Variants in ABCC5 observed in about 807,000 individuals in gnomAD.
The protein encoded by ABCC5 is ATP binding cassette subfamily C member 5.
Under a neutral mutation model 160.9 loss-of-function variants are expected in ABCC5, and 61 were observed. The ratio of observed to expected loss-of-function variants is 0.38; its 90% CI spans 0.31 to 0.47. ABCC5 has a LOEUF of 0.47. Among genes scored for constraint, ABCC5 ranks in the 20% least tolerant of loss-of-function variants. The pLI, the probability that ABCC5 is intolerant of heterozygous loss-of-function variation, is 0.99. For synonymous variants in ABCC5, 666 were observed against 700.6 expected (o/e 0.95, Z 0.78); for missense variants, 1,308 against 1,813.3 (o/e 0.72, Z 5.06).
At position 183,987,282 on chromosome 3, in the gene ABCC5, C is replaced by T. The variant is rs1025352578; in HGVS notation, c.591+488G>A. 1.7e-5 allele frequency: 4 copies of T among 237,946 alleles called. No homozygotes were observed. Among genetic ancestry groups the T allele is most frequent in the East Asian group, 1.9e-4 (2 of 10,262 alleles). 14.7% of individuals were successfully genotyped at this position (237,946 alleles called of 1,614,324 possible). A position where few individuals can be genotyped will look rare whatever the true frequency, so the allele number is the denominator to read the frequency against. The stretch of plus-strand genomic sequence containing the variant: ...AGTCACACTATAAGCCAAACTTAAA[C>T]GGACTCCAGGTCAGACTCTAAAATC... On this transcript the variant is annotated intron_variant, in intron 5 of 29. Transcript: ENST00000334444. The surrounding 1 kb of genome is among the most constrained non-coding windows in gnomAD (Gnocchi z 4.2).
At chr3:183,924,575 T>G (rs1472475371) in intron 29 of ABCC5, among the ~76,000 whole-genome samples, 1 of 152,190 alleles carries the variant, frequency 6.6e-6, no homozygotes, top group Non-Finnish European at 1.5e-5. Flanking sequence ...TCCAAATTAT[T>G]AATTTACTTG....
chr3:183,987,492 C>A lies in ABCC5; in HGVS notation c.591+278G>T, dbSNP rs1719327487. ...TGCACCGACTGTCAGTTCATGTTAA[C>A]ACACAACCGAGAAGCACAGTCCTGT... On this transcript the variant is annotated intron_variant, in intron 5 of 29. Coordinates refer to ENST00000334444, the MANE Select transcript of ABCC5 (RefSeq NM_005688.4). This position sits in a 1 kb window ranked among gnomAD's most constrained non-coding sequence, Gnocchi z 4.2. 3.3e-6 allele frequency: 2 copies of A among 603,202 alleles called. No homozygotes were observed. The highest frequency in any genetic ancestry group is 3.7e-5 in the African/African-American group (2 of 53,932). The allele number at this position is 603,202 out of a possible 1,614,324, so 37.4% of individuals were successfully genotyped here. A position where few individuals can be genotyped will look rare whatever the true frequency, so the allele number is the denominator to read the frequency against.
At chr3:183,965,916 T>C (rs903619993) in intron 12 of ABCC5, among the ~76,000 whole-genome samples, 2 of 152,040 alleles carry the variant, frequency 1.3e-5, no homozygotes, top group East Asian at 3.9e-4. Flanking sequence ...GCTAGACCAG[T>C]TGCTTCTATG....
At chr3:183,981,238 C>T (rs1169921219) in intron 8 of ABCC5, among the ~76,000 whole-genome samples, 1 of 152,202 alleles carries the variant, frequency 6.6e-6, no homozygotes, top group Non-Finnish European at 1.5e-5. Flanking sequence ...TGCCATTTCT[C>T]CTAGCTTTGT....
At chr3:183,925,839 T>C (rs1478063441) in intron 28 of ABCC5, 120 bp from the exon 29 acceptor site, 6 of 1,038,200 alleles carry the variant, frequency 5.8e-6, no homozygotes, top group Non-Finnish European at 7.9e-6. Context: ...TTCTTTTCTT[T>C]CTTTTTTTTT....
At chr3:183,993,483 C>CAAAAAAAAA (rs57885159) in intron 2 of ABCC5, among the ~76,000 whole-genome samples, 2 of 105,490 alleles carry the variant, frequency 1.9e-5, no homozygotes. Context: ...GACCCTGTCT[C>CAAAAAAAAA]AAAAAAAAAA....
intron 27 of ABCC5, 149 bp downstream of exon 27, chr3:183,928,598 G>A: frequency 1.5e-6 from 1 of 654,404 alleles, no homozygotes. Context: ...CTTTTCCCAG[G>A]TATCTGAAAG....
intron 15 of ABCC5, among the ~76,000 whole-genome samples, chr3:183,962,922 ACTTT>A (rs1667951935): frequency 6.6e-6 from 1 of 152,208 alleles, no homozygotes; most frequent in Non-Finnish European, 1.5e-5. Context: ...CATAATTATG[ACTTT>A]CTTTGGCAGA....
intron 2 of ABCC5, among the ~76,000 whole-genome samples, chr3:183,994,853 ATG>A (rs376764325): frequency 0.073 from 8,972 of 122,784 alleles, 287 homozygotes; most frequent in Middle Eastern, 0.11. Context: ...CCCATTTTCT[ATG>A]TTTTTTTTTT....
At chr3:183,925,840 CTTT>C (rs1208671884) in intron 28 of ABCC5, 121 bp from the exon 29 acceptor site, 4,668 of 695,442 alleles carry the variant, frequency 6.7e-3, no homozygotes, top group South Asian at 9.6e-3. Context: ...TCTTTTCTTT[CTTT>C]TTTTTTTTTT....
intron 5 of ABCC5, chr3:183,983,298 C>CATGGTCAT (rs1305478756): frequency 2.3e-6 from 1 of 432,460 alleles, no homozygotes; most frequent in African/African-American, 2.0e-5. Flanking sequence ...ACTCTAAACA[C>CATGGTCAT]ATGGTCATTC....
In ABCC5 at chr3:184,014,322, GT is replaced by G; in HGVS notation, c.70del (p.Thr24ProfsTer62). On this transcript the variant is annotated frameshift_variant, in exon 2 of 30. Coordinates refer to ENST00000334444, the MANE Select transcript of ABCC5 (RefSeq NM_005688.4). LOFTEE classifies it high-confidence loss of function. ...SPGYRSVRER[T>X]STSGTHRDRE... ...GTCTCTGTGCGTCCCAGAAGTGCTG[GT>G]TCTCTCCCTCACACTTCTATACCCA... is the stretch of plus-strand genomic sequence containing the variant. The G allele has an allele frequency of 1.2e-6, 2 of 1,613,956 alleles. No individual in the cohort carries two copies. Among genetic ancestry groups the G allele is most frequent in the Non-Finnish European group, 1.7e-6 (2 of 1,179,948 alleles).
rs1712021476 is a variant in ABCC5, at chr3:183,921,966, G to A, written c.4213-565C>T. Among the ~76,000 whole-genome samples, 1 of 152,002 alleles carries A rather than the reference G, an allele frequency of 6.6e-6. No individual in the cohort carries two copies. Among genetic ancestry groups the A allele is most frequent in the South Asian group, 2.1e-4 (1 of 4,794 alleles). ...GAATCGCTTGAACCCAGGAGGTGGAGGTTGCAGTGAACTGAGATTGTACCA... is the reference window on the plus strand; with the variant it reads ...GAATCGCTTGAACCCAGGAGGTGGAAGTTGCAGTGAACTGAGATTGTACCA... On this transcript the variant is annotated intron_variant, in intron 29 of 29. Coordinates refer to ENST00000334444, the MANE Select transcript of ABCC5 (RefSeq NM_005688.4). This position sits in a 1 kb window ranked among gnomAD's most constrained non-coding sequence, Gnocchi z 4.1.
chr3:183,960,750 G>T (rs1716646171), intron 16 of ABCC5, among the ~76,000 whole-genome samples: 2 of 151,772 alleles, frequency 1.3e-5, no homozygotes, highest in Middle Eastern at 3.2e-3. Context: ...TGAGATAACA[G>T]AAACTACTTA....
At chr3:183,985,040 G>C (rs543657955) in intron 5 of ABCC5, 648 of 729,838 alleles carry the variant, frequency 8.9e-4, no homozygotes, top group Non-Finnish European at 1.2e-3. Context: ...TACACTATGC[G>C]AAACTTTCAA....
rs530481549 is a variant in ABCC5, at chr3:183,964,252, T to G, written c.2032-664A>C. Among the ~76,000 whole-genome samples, 99 of 152,262 alleles carry G rather than the reference T, an allele frequency of 6.5e-4. 1 individual carries two copies. Among genetic ancestry groups the G allele is most frequent in the Non-Finnish European group, 7.8e-4 (53 of 68,050 alleles). On this transcript the variant is annotated intron_variant, in intron 14 of 29. Coordinates refer to ENST00000334444, the MANE Select transcript of ABCC5 (RefSeq NM_005688.4). ...GCCTATTTGTTTGGGTATCTCATCC[T>G]CTTAACTGTACACTTCTTTACGTGC...
chr3:184,013,546 G>C (rs1721933616), intron 2 of ABCC5, among the ~76,000 whole-genome samples: 1 of 152,130 alleles, frequency 6.6e-6, no homozygotes, highest in African/African-American at 2.4e-5. Context: ...GAGCCACTGT[G>C]CCTGGCCAGG....
chr3:183,942,949 C>A, intron 24 of ABCC5, 33 bp from the exon 25 acceptor site: 1 of 1,567,176 alleles, frequency 6.4e-7, no homozygotes. Context: ...TTCAGACTGA[C>A]CACAGATTCT....
chr3:183,941,309 G>A (rs1210050972), intron 25 of ABCC5, among the ~76,000 whole-genome samples: 2 of 152,184 alleles, frequency 1.3e-5, no homozygotes, highest in South Asian at 2.1e-4. Context: ...CCCTGGGGAC[G>A]AATGCAGCAG....
Sources: gnomAD v4.1 joint callset for allele counts (sites outside exome capture counted in the v4.1 genomes callset) on GRCh38, gnomAD v4.1.1 for gene constraint, Gnocchi (gnomAD v3.1) non-coding constraint, MANE v1.5 for transcripts, NCBI Gene and HGNC (gene_info 2026-07-23, HGNC 2026-07-21) for gene names.